The following SIPA1L3 variants were observed in gnomAD, a reference collection of about 807,000 sequenced individuals.
SIPA1L3 encodes the protein signal induced proliferation associated 1 like 3, also known as signal-induced proliferation-associated 1-like protein 3.
SIPA1L3 carries 59 observed loss-of-function variants against 150.1 expected under a neutral mutation model. The observed-to-expected ratio is 0.39, with a 90% CI of 0.32 to 0.49. The LOEUF is 0.49. SIPA1L3 is among the 20% of genes least tolerant of loss of function. SIPA1L3 has a pLI of 0.86. For missense variants in SIPA1L3, 2,211 were observed against 2,489.5 expected, an observed-to-expected ratio of 0.89 and a Z score of 2.38; for synonymous variants, 1,070 against 1,077.6, an observed-to-expected ratio of 0.99 and a Z score of 0.14.
At chr19:38,148,960 G>C (rs995473871) in intron 12 of SIPA1L3, among the ~76,000 whole-genome samples, 2 of 152,216 alleles carry the variant, frequency 1.3e-5, no homozygotes, top group African/African-American at 4.8e-5. Flanking sequence ...AGCTGTGTGT[G>C]ATGAGATGCT....
chr19:38,177,145 A>T (rs2146012110), intron 15 of SIPA1L3, among the ~76,000 whole-genome samples: 1 of 152,056 alleles, frequency 6.6e-6, no homozygotes, highest in South Asian at 2.1e-4. Context: ...GCAGATCATG[A>T]GGTCAGGAGA....
chr19:38,157,014 T>C (rs2569517), intron 13 of SIPA1L3, among the ~76,000 whole-genome samples: 1 of 151,314 alleles, frequency 6.6e-6, no homozygotes, highest in Non-Finnish European at 1.5e-5. Flanking sequence ...AATAAAAAAA[T>C]ATAGCTAGGT....
At chr19:38,117,982 A>C (rs757255047) in intron 8 of SIPA1L3, among the ~76,000 whole-genome samples, 6 of 152,106 alleles carry the variant, frequency 3.9e-5, no homozygotes, top group Non-Finnish European at 8.8e-5. Flanking sequence ...CTGAGTTGCT[A>C]TCAGATTTTG....
chr19:38,190,260 G>A (rs555675043), intron 16 of SIPA1L3, among the ~76,000 whole-genome samples: 1 of 152,172 alleles, frequency 6.6e-6, no homozygotes, highest in Non-Finnish European at 1.5e-5. Context: ...GGCACCATGA[G>A]CCCTGCACTG....
chr19:38,159,524 C>G (rs574292893), intron 13 of SIPA1L3, among the ~76,000 whole-genome samples: 10 of 152,366 alleles, frequency 6.6e-5, no homozygotes, highest in East Asian at 1.9e-4. Flanking sequence ...CACGGCCCAT[C>G]ATTAGGAGAA....
intron 10 of SIPA1L3, among the ~76,000 whole-genome samples, chr19:38,140,180 G>A (rs1600125234): frequency 6.6e-6 from 1 of 152,336 alleles, no homozygotes; most frequent in South Asian, 2.1e-4. Context: ...CCAGGCTGAA[G>A]GCTCCTCTGA....
intron 10 of SIPA1L3, among the ~76,000 whole-genome samples, chr19:38,138,934 G>A (rs989807088): frequency 1.6e-5 from 2 of 123,958 alleles, no homozygotes; most frequent in African/African-American, 7.1e-5. Flanking sequence ...GGTGGCTCAC[G>A]CCTGTAATCC....
intron 9 of SIPA1L3, among the ~76,000 whole-genome samples, chr19:38,127,871 G>A (rs1395503811): frequency 1.3e-5 from 2 of 151,932 alleles, no homozygotes; most frequent in Non-Finnish European, 2.9e-5. Context: ...TAACAACATA[G>A]CTTAGGTGGG....
intron 2 of SIPA1L3, among the ~76,000 whole-genome samples, chr19:38,049,346 G>T (rs900497988): frequency 3.9e-5 from 6 of 152,128 alleles, no homozygotes; most frequent in African/African-American, 1.4e-4. Context: ...TTGGAGCTCT[G>T]TATCTCATTC....
intron 1 of SIPA1L3, among the ~76,000 whole-genome samples, chr19:37,922,856 C>T (rs1365018909): frequency 2.0e-5 from 3 of 149,796 alleles, no homozygotes; most frequent in African/African-American, 4.9e-5. Flanking sequence ...CGGCTGGGCA[C>T]GGTGGCTCAT....
In SIPA1L3 at chr19:38,048,454, A is replaced by G. The variant is rs141155811; in HGVS notation, c.-311+19298A>G. Among the ~76,000 whole-genome samples, 683 of 152,270 alleles carry G rather than the reference A, an allele frequency of 4.5e-3. 2 individuals are homozygous for G. The highest frequency in any genetic ancestry group is 7.3e-3 in the Non-Finnish European group (495 of 68,016). On this transcript the variant is annotated intron_variant, in intron 2 of 21. Coordinates refer to ENST00000222345, the MANE Select transcript of SIPA1L3 (RefSeq NM_015073.3). Reference sequence around the variant, plus strand: ...GAGAGAACACACCCCACTGATGGTTATAAGTGGTTCCCCTCAGTCTACAGC... The same window carrying G: ...GAGAGAACACACCCCACTGATGGTTGTAAGTGGTTCCCCTCAGTCTACAGC...
chr19:38,009,430 C>T (rs1968047263), intron 1 of SIPA1L3, among the ~76,000 whole-genome samples: 1 of 152,146 alleles, frequency 6.6e-6, no homozygotes, highest in South Asian at 2.1e-4. Flanking sequence ...TTAATCTTAT[C>T]AGAGTCCAAT....
intron 4 of SIPA1L3, among the ~76,000 whole-genome samples, chr19:38,091,651 G>A (rs1030667576): frequency 2.0e-5 from 3 of 152,184 alleles, no homozygotes; most frequent in Admixed American, 2.0e-4. Flanking sequence ...TCTGGCCGCC[G>A]CACTCGGCTG....
chr19:37,926,603 G>A (rs2046505861), intron 1 of SIPA1L3, among the ~76,000 whole-genome samples: 1 of 152,134 alleles, frequency 6.6e-6, no homozygotes, highest in African/African-American at 2.4e-5. Flanking sequence ...GCTCAGGCTT[G>A]GGGAGGGGGC....
intron 13 of SIPA1L3, among the ~76,000 whole-genome samples, chr19:38,161,580 C>T (rs991241985): frequency 5.9e-5 from 9 of 151,744 alleles, no homozygotes; most frequent in African/African-American, 2.2e-4. Flanking sequence ...AAACAATTAG[C>T]TGGGCATGGT....
chr19:37,960,959 C>T (rs1438914366), intron 1 of SIPA1L3, among the ~76,000 whole-genome samples: 1 of 151,926 alleles, frequency 6.6e-6, no homozygotes, highest in Non-Finnish European at 1.5e-5. Flanking sequence ...GCCTCCACCT[C>T]CTGGGTTGAA....
chr19:38,067,912 G>C (rs1175818942), intron 2 of SIPA1L3, among the ~76,000 whole-genome samples: 1 of 152,116 alleles, frequency 6.6e-6, no homozygotes, highest in Non-Finnish European at 1.5e-5. Flanking sequence ...TAGCTAATGA[G>C]ATTTCTAAGA....
At chr19:38,059,649 A>G (rs1210028549) in intron 2 of SIPA1L3, among the ~76,000 whole-genome samples, 3 of 152,220 alleles carry the variant, frequency 2.0e-5, no homozygotes, top group Non-Finnish European at 1.5e-5. Flanking sequence ...ATACATACAG[A>G]CAAGCATGTA....
chr19:38,061,998 A>G (rs1375521556), intron 2 of SIPA1L3, among the ~76,000 whole-genome samples: 1 of 150,738 alleles, frequency 6.6e-6, no homozygotes, highest in Non-Finnish European at 1.5e-5. Context: ...TGGGTGTTGG[A>G]TTGCTGCTCC....
Sources: allele counts gnomAD v4.1 joint callset (sites outside exome capture counted in the v4.1 genomes callset), GRCh38; gene constraint gnomAD v4.1.1; transcripts MANE v1.5; gene names NCBI Gene and HGNC (gene_info 2026-07-23, HGNC 2026-07-21).